The following C13orf42 variants were observed in gnomAD, a reference collection of about 807,000 sequenced individuals.
C13orf42 encodes uncharacterized protein C13orf42.
At chr13:51,096,406 T>C (rs1953235186) in intron 1 of C13orf42, among the ~76,000 whole-genome samples, 1 of 152,184 alleles carries the variant, frequency 6.6e-6, no homozygotes, top group Non-Finnish European at 1.5e-5. Flanking sequence ...GAGAGTGACA[T>C]TCTTTCCTGC....
chr13:51,089,982 G>A (rs1044328566), intron 1 of C13orf42, among the ~76,000 whole-genome samples: 1 of 151,788 alleles, frequency 6.6e-6, no homozygotes, highest in Non-Finnish European at 1.5e-5. Context: ...CTGAGAAGAG[G>A]GACAATTCAA....
At chr13:51,092,584 T>C (rs187909607) in intron 1 of C13orf42, among the ~76,000 whole-genome samples, 1 of 152,188 alleles carries the variant, frequency 6.6e-6, no homozygotes, top group African/African-American at 2.4e-5. Context: ...CAATTCTCTA[T>C]TAGTGAATCT....
At chr13:51,103,096 T>C (rs1953310368) in intron 1 of C13orf42, among the ~76,000 whole-genome samples, 1 of 152,214 alleles carries the variant, frequency 6.6e-6, no homozygotes, top group African/African-American at 2.4e-5. Context: ...ATGTCCAATG[T>C]GAACCATCTG....
At chr13:51,100,268 C>T (rs181839814) in intron 1 of C13orf42, among the ~76,000 whole-genome samples, 21 of 151,514 alleles carry the variant, frequency 1.4e-4, no homozygotes, top group Admixed American at 2.6e-4. Context: ...ATGAAAGCAA[C>T]GGAAGAAATT....
chr13:51,167,967 C>T (rs1054874552), intron 1 of C13orf42, among the ~76,000 whole-genome samples: 2 of 152,210 alleles, frequency 1.3e-5, no homozygotes, highest in Admixed American at 6.5e-5. Context: ...GCTGCTGCCT[C>T]TCAGTGTGTA....
chr13:51,111,053 A>G lies in C13orf42; in HGVS notation c.157T>C (p.Leu53=). 2.5e-6 allele frequency: 1 copy of G among 398,674 alleles called. No individual in the cohort carries two copies. Among genetic ancestry groups the G allele is most frequent in the Non-Finnish European group, 4.4e-6 (1 of 226,120 alleles). 24.7% of individuals were successfully genotyped at this position (398,674 alleles called of 1,614,324 possible). The change falls in exon 1 of 4, where the codon TTA becomes CTA. Residue 53 remains leucine, a synonymous_variant. Transcript: ENST00000563710. ...GDHGEKFSES[L]KKYKSTSSMD... is the part of the protein sequence containing the mutation. ...CTACTGGTGCTTTTGTACTTCTTTA[A>G]GGACTCGCTGAATTTCTCCCCGTGG...
intron 1 of C13orf42, among the ~76,000 whole-genome samples, chr13:51,127,369 G>A (rs1419270444): frequency 6.6e-6 from 1 of 152,170 alleles, no homozygotes; most frequent in Non-Finnish European, 1.5e-5. Context: ...TTTCAGAAGG[G>A]AAATGGATTC....
intron 1 of C13orf42, among the ~76,000 whole-genome samples, chr13:51,120,840 C>T (rs1464164360): frequency 6.6e-6 from 1 of 152,182 alleles, no homozygotes; most frequent in South Asian, 2.1e-4. Flanking sequence ...ATGGTGAAAC[C>T]CTGTCTCTAC....
At chr13:51,161,653 C>G (rs1419049319) in intron 1 of C13orf42, 1 of 178,932 alleles carries the variant, frequency 5.6e-6, no homozygotes, top group Non-Finnish European at 1.2e-5. Flanking sequence ...TCATCCATTC[C>G]TTCCCATGGA....
chr13:51,123,264 T>C (rs1953550435), intron 1 of C13orf42, among the ~76,000 whole-genome samples: 1 of 152,252 alleles, frequency 6.6e-6, no homozygotes, highest in South Asian at 2.1e-4. Flanking sequence ...CACAGATTTC[T>C]TTCTCAATCA....
chr13:51,133,546 TTTTA>T (rs1385074593), intron 1 of C13orf42, among the ~76,000 whole-genome samples: 1 of 151,962 alleles, frequency 6.6e-6, no homozygotes, highest in Non-Finnish European at 1.5e-5. Flanking sequence ...TTTTTAATTT[TTTTA>T]TTTATTAAAT....
chr13:51,089,170 G>C (rs752246584), intron 1 of C13orf42, among the ~76,000 whole-genome samples: 73 of 152,274 alleles, frequency 4.8e-4, no homozygotes, highest in Non-Finnish European at 8.7e-4. Context: ...TGGTGTGTCA[G>C]GAAAGAAAAC....
At chr13:51,111,856 T>A (rs1295416678), upstream of C13orf42, among the ~76,000 whole-genome samples, 1 of 144,804 alleles carries the variant, frequency 6.9e-6, no homozygotes, top group Non-Finnish European at 1.5e-5. Flanking sequence ...AGCAGGCATC[T>A]GAGCGTCCTG....
chr13:51,098,142 T>C (rs1192057147), intron 1 of C13orf42, among the ~76,000 whole-genome samples: 1 of 152,030 alleles, frequency 6.6e-6, no homozygotes, highest in Non-Finnish European at 1.5e-5. Context: ...ATTATTTATC[T>C]TTTTTTTCAT....
chr13:51,169,211 T>A (rs1953926170), intron 1 of C13orf42, among the ~76,000 whole-genome samples: 2 of 152,164 alleles, frequency 1.3e-5, no homozygotes, highest in South Asian at 4.1e-4. Context: ...GTTTGGAACT[T>A]CCTAGAGACT....
intron 1 of C13orf42, among the ~76,000 whole-genome samples, chr13:51,153,872 A>C (rs1249065607): frequency 6.6e-6 from 1 of 151,882 alleles, no homozygotes; most frequent in Admixed American, 6.6e-5. Flanking sequence ...GGGCTCAAGC[A>C]ATCTACCGCC....
intron 1 of C13orf42, among the ~76,000 whole-genome samples, chr13:51,108,844 A>AT (rs1437221770): frequency 6.6e-6 from 1 of 152,170 alleles, no homozygotes; most frequent in Non-Finnish European, 1.5e-5. Context: ...TCCGAAGGAG[A>AT]TCCCTACGTT....
At chr13:51,145,548 G>T (rs549710963) in intron 1 of C13orf42, among the ~76,000 whole-genome samples, 1 of 152,034 alleles carries the variant, frequency 6.6e-6, no homozygotes, top group Non-Finnish European at 1.5e-5. Context: ...TTAAAAAAGG[G>T]GGGAAATGTT....
intron 1 of C13orf42, among the ~76,000 whole-genome samples, chr13:51,127,203 A>G (rs1953584116): frequency 6.6e-6 from 1 of 152,188 alleles, no homozygotes; most frequent in East Asian, 1.9e-4. Context: ...GACAAGGCGG[A>G]AGAAATGGAA....
Sources: gnomAD v4.1 joint callset for allele counts (sites outside exome capture counted in the v4.1 genomes callset) on GRCh38, gnomAD v4.1.1 for gene constraint, MANE v1.5 for transcripts, NCBI Gene and HGNC (gene_info 2026-07-23, HGNC 2026-07-21) for gene names.